Variants in VARS2 observed in about 807,000 individuals in gnomAD.
VARS2 encodes the protein valyl-tRNA synthetase 2, mitochondrial, also known as valine--tRNA ligase, mitochondrial.
In VARS2, 105 loss-of-function variants were observed where a neutral mutation model predicts 154.1. That is an observed-to-expected ratio of 0.68 (90% confidence interval 0.58 to 0.80). The LOEUF is 0.80. Among genes scored for constraint, VARS2 ranks in the 30% least tolerant of loss-of-function variants. The pLI, the probability that VARS2 is intolerant of heterozygous loss-of-function variation, is 0.00. For missense variants in VARS2, 1,157 were observed against 1,361.4 expected (o/e 0.85, Z 2.36); for synonymous variants, 483 against 539.5 (o/e 0.90, Z 1.45).
intron 25 of VARS2, chr6:30,924,146 C>G: frequency 1.7e-6 from 1 of 598,612 alleles, no homozygotes; most frequent in Non-Finnish European, 3.0e-6. Context: ...AATCCTGTCC[C>G]TGTGTACTGC....
chr6:30,919,037 T>G lies in VARS2; in HGVS notation c.1074+122T>G. On this transcript the variant is annotated intron_variant, in intron 11 of 29. Transcript: ENST00000676266. This position sits in a 1 kb window ranked among gnomAD's most constrained non-coding sequence, Gnocchi z 4.5. ...TTCCTTTTCCTGAGACTTCTCTCAG[T>G]GGTTCTGATTGGACTCCCTCCTCCT... is the stretch of plus-strand genomic sequence containing the variant. The G allele has an allele frequency of 1.2e-6, 1 of 842,538 alleles. No individual in the cohort carries two copies. Among genetic ancestry groups the G allele is most frequent in the Non-Finnish European group, 1.9e-6 (1 of 527,846 alleles). The allele number at this position is 842,538 out of a possible 1,614,324, so 52.2% of individuals were successfully genotyped here. A position where few individuals can be genotyped will look rare whatever the true frequency, so the allele number is the denominator to read the frequency against.
chr6:30,915,247 A>G lies in VARS2; in HGVS notation c.283+10A>G. 4 of 1,614,008 alleles carry G rather than the reference A, an allele frequency of 2.5e-6. No individual in the cohort carries two copies. The highest frequency in any genetic ancestry group is 3.4e-6 in the Non-Finnish European group (4 of 1,179,816). ...CCCGGTGAAAAGAAAGGTAAGTAGA[A>G]TAAGTAAGAAGGCCTTTTCTTTCAC... On this transcript the variant is annotated intron_variant, in intron 3 of 29. Coordinates refer to ENST00000676266, the MANE Select transcript of VARS2 (RefSeq NM_020442.6).
In VARS2 at chr6:30,920,551, G is replaced by A. The variant is rs1331920762; in HGVS notation, c.1397+115G>A. On this transcript the variant is annotated intron_variant, in intron 14 of 29. Coordinates refer to ENST00000676266, the MANE Select transcript of VARS2 (RefSeq NM_020442.6). The surrounding 1 kb of genome is among the most constrained non-coding windows in gnomAD (Gnocchi z 4.6). ...TCCGTTAGAATACGAGCTCCGTGTC[G>A]GTTTTATTCGCTATTGTATCCTCAG... The A allele has an allele frequency of 4.5e-6, 6 of 1,347,394 alleles. No homozygotes were observed. The highest frequency in any genetic ancestry group is 1.5e-5 in the African/African-American group (1 of 68,280). 83.5% of individuals were successfully genotyped at this position (1,347,394 alleles called of 1,614,324 possible).
In VARS2 at chr6:30,916,058, T is replaced by G; in HGVS notation, c.573+11T>G. ...GGAATTGCTACACAAGTATGTCTTT[T>G]GTTACCTGTTCCTTTTCTTGGGCAA... is the stretch of plus-strand genomic sequence containing the variant. On this transcript the variant is annotated intron_variant, in intron 6 of 29. Transcript: ENST00000676266. The surrounding 1 kb of genome is among the most constrained non-coding windows in gnomAD (Gnocchi z 4.0). 1 of 1,613,798 alleles carries G rather than the reference T, an allele frequency of 6.2e-7. No individual in the cohort carries two copies. The highest frequency in any genetic ancestry group is 8.5e-7 in the Non-Finnish European group (1 of 1,179,864).
At position 30,921,869 on chromosome 6, in the gene VARS2, T is replaced by G; in HGVS notation, c.1736-56T>G. ...TGGCCTAGAATGGTGGCAGCAGTGGTCTGAGGTCCTAGAAGCCAAGGTTCC... is the reference window on the plus strand; with the variant it reads ...TGGCCTAGAATGGTGGCAGCAGTGGGCTGAGGTCCTAGAAGCCAAGGTTCC... On this transcript the variant is annotated intron_variant, in intron 18 of 29. Transcript: ENST00000676266. This position sits in a 1 kb window ranked among gnomAD's most constrained non-coding sequence, Gnocchi z 4.6. 6.2e-7 allele frequency: 1 copy of G among 1,606,266 alleles called. No homozygotes were observed. Among genetic ancestry groups the G allele is most frequent in the Non-Finnish European group, 8.5e-7 (1 of 1,174,456 alleles).
At position 30,925,891 on chromosome 6, in the gene VARS2, C is replaced by T. The variant is rs775660553; in HGVS notation, c.2973C>T (p.Asp991=). The change falls in exon 29 of 30, where the codon GAC becomes GAT. Residue 991 remains aspartate (D), a synonymous_variant. Coordinates refer to ENST00000676266, the MANE Select transcript of VARS2 (RefSeq NM_020442.6). Reference sequence around the variant, plus strand: ...CTGTTCTTCCCCAGGGCCTGGTGGACCCGCAGATCCAGCTACCTCTGTTAG... The same window carrying T: ...CTGTTCTTCCCCAGGGCCTGGTGGATCCGCAGATCCAGCTACCTCTGTTAG... The part of the protein sequence containing the change: ...QVYMELQGLV[D]PQIQLPLLAA... 1.2e-6 allele frequency: 2 copies of T among 1,612,858 alleles called. No homozygotes were observed. Among genetic ancestry groups the T allele is most frequent in the African/African-American group, 1.3e-5 (1 of 75,042 alleles).
rs1044667908 is a variant in VARS2 at position 30,920,591 on chromosome 6, C to T, written c.1398-77C>T. Reference sequence around the variant, plus strand: ...TGTATCCTCAGTACCAAGGGCCTGGCATGGCATGGGGTCTTGTGCCCCTGG... The same window carrying T: ...TGTATCCTCAGTACCAAGGGCCTGGTATGGCATGGGGTCTTGTGCCCCTGG... On this transcript the variant is annotated intron_variant, in intron 14 of 29. Coordinates refer to ENST00000676266, the MANE Select transcript of VARS2 (RefSeq NM_020442.6). This position sits in a 1 kb window ranked among gnomAD's most constrained non-coding sequence, Gnocchi z 4.6. 35 of 1,377,422 alleles carry T rather than the reference C, an allele frequency of 2.5e-5. No individual in the cohort carries two copies. Among genetic ancestry groups the T allele is most frequent in the Non-Finnish European group, 3.0e-5 (31 of 1,018,652 alleles). The allele number at this position is 1,377,422 out of a possible 1,614,324, so 85.3% of individuals were successfully genotyped here. A position where few individuals can be genotyped will look rare whatever the true frequency, so the allele number is the denominator to read the frequency against.
rs2150566440 is a variant in VARS2, at chr6:30,923,335, T to C, written c.2314-18T>C. The C allele has an allele frequency of 6.2e-7, 1 of 1,607,762 alleles. No individual in the cohort carries two copies. On this transcript the variant is annotated intron_variant, in intron 24 of 29. Coordinates refer to ENST00000676266, the MANE Select transcript of VARS2 (RefSeq NM_020442.6). Reference sequence around the variant, plus strand: ...CAGGGGAGGGGGAGTCAGGCCATCCTGCCCCCTCTGCCTGCAGCTGTCTCC... The same window carrying C: ...CAGGGGAGGGGGAGTCAGGCCATCCCGCCCCCTCTGCCTGCAGCTGTCTCC...
At chr6:30,926,076 C>T (rs762808183) in intron 29 of VARS2, 33 bp from the exon 30 acceptor site, 1 of 1,612,904 alleles carries the variant, frequency 6.2e-7, no homozygotes. Context: ...GGGCCTCATT[C>T]CTGGATCCTC....
chr6:30,922,238 C>T lies in VARS2; in HGVS notation c.1929C>T (p.Ser643=). The change falls in exon 20 of 30, where the codon AGC becomes AGT. Residue 643 remains serine, a synonymous_variant. Coordinates refer to ENST00000676266, the MANE Select transcript of VARS2 (RefSeq NM_020442.6). ...GTQLTGQLPF[S]KVLLHPMVRD... is the part of the protein sequence containing the mutation. ...AGCTCACAGGGCAGCTGCCCTTCAG[C>T]AAGGTAAGAGCCCTTCAGTGCCCTG... 6.2e-7 allele frequency: 1 copy of T among 1,611,014 alleles called. No homozygotes were observed. Among genetic ancestry groups the T allele is most frequent in the Non-Finnish European group, 8.5e-7 (1 of 1,179,064 alleles).
chr6:30,915,245 G>A lies in VARS2; in HGVS notation c.283+8G>A, dbSNP rs1331166474. 6.2e-7 allele frequency: 1 copy of A among 1,614,024 alleles called. No individual in the cohort carries two copies. Among genetic ancestry groups the A allele is most frequent in the Non-Finnish European group, 8.5e-7 (1 of 1,179,844 alleles). ...AACCCGGTGAAAAGAAAGGTAAGTAGAATAAGTAAGAAGGCCTTTTCTTTC... is the reference window on the plus strand; with the variant it reads ...AACCCGGTGAAAAGAAAGGTAAGTAAAATAAGTAAGAAGGCCTTTTCTTTC... On this transcript the variant is annotated splice_region_variant and intron_variant, in intron 3 of 29. Coordinates refer to ENST00000676266, the MANE Select transcript of VARS2 (RefSeq NM_020442.6).
rs369943412 is a variant in VARS2, at chr6:30,921,182, G to C, written c.1556+41G>C. On this transcript the variant is annotated intron_variant, in intron 16 of 29. Coordinates refer to ENST00000676266, the MANE Select transcript of VARS2 (RefSeq NM_020442.6). This position sits in a 1 kb window ranked among gnomAD's most constrained non-coding sequence, Gnocchi z 4.6. ...GGGGAGCTCTTGTGGAGATGGGGAG[G>C]GGGGACTGACTGGTTATTCTAAGAC... is the stretch of plus-strand genomic sequence containing the variant. 4.7e-5 allele frequency: 76 copies of C among 1,613,788 alleles called. No individual in the cohort carries two copies. The Middle Eastern group carries it at 4.9e-4, about 10-fold the overall frequency.
Position 30,921,147 on chromosome 6 carries a change from G to A in VARS2, c.1556+6G>A, listed in dbSNP as rs528773486. The stretch of plus-strand genomic sequence containing the variant: ...CACTGGTTTTCCCATATTGGGTAAG[G>A]GTAGGGTAAGGGGAGCTCTTGTGGA... On this transcript the variant is annotated splice_donor_region_variant and intron_variant, in intron 16 of 29. Coordinates refer to ENST00000676266, the MANE Select transcript of VARS2 (RefSeq NM_020442.6). The surrounding 1 kb of genome is among the most constrained non-coding windows in gnomAD (Gnocchi z 4.6). The A allele has an allele frequency of 6.2e-7, 1 of 1,614,018 alleles. No individual in the cohort carries two copies. Among genetic ancestry groups the A allele is most frequent in the African/African-American group, 1.3e-5 (1 of 75,042 alleles).
chr6:30,925,865 C>T lies in VARS2; in HGVS notation c.2962-15C>T, dbSNP rs1196366579. ...CAGGCGGATGTCTGAGCCTTTTCTC[C>T]CTGTTCTTCCCCAGGGCCTGGTGGA... On this transcript the variant is annotated splice_polypyrimidine_tract_variant and intron_variant, in intron 28 of 29. Transcript: ENST00000676266. The T allele has an allele frequency of 6.2e-7, 1 of 1,612,352 alleles. No homozygotes were observed. The highest frequency in any genetic ancestry group is 1.7e-5 in the Admixed American group (1 of 60,024).
rs1017764354 is a variant in VARS2 at position 30,916,250 on chromosome 6, G to A, written c.671+1G>A. 73 of 1,611,514 alleles carry A rather than the reference G, an allele frequency of 4.5e-5. No homozygotes were observed. Among genetic ancestry groups the A allele is most frequent in the Non-Finnish European group, 6.0e-5 (71 of 1,178,614 alleles). On this transcript the variant is annotated splice_donor_variant, in intron 7 of 29. Transcript: ENST00000676266. LOFTEE classifies it high-confidence loss of function. This position sits in a 1 kb window ranked among gnomAD's most constrained non-coding sequence, Gnocchi z 4.0. ...GGGAGGTGTGGCAGTGGAAGGAGGC[G>A]TGAGTATGATGGGCAGGACTCGGGG...
Position 30,916,099 on chromosome 6 carries a change from C to T in VARS2, c.573+52C>T. ...TCTTGGGCAAAAGCAATTTCTTCCC[C>T]CAAAGCAACCAAGCAACCTGACTCT... On this transcript the variant is annotated intron_variant, in intron 6 of 29. Coordinates refer to ENST00000676266, the MANE Select transcript of VARS2 (RefSeq NM_020442.6). The surrounding 1 kb of genome is among the most constrained non-coding windows in gnomAD (Gnocchi z 4.0). 1 of 1,525,326 alleles carries T rather than the reference C, an allele frequency of 6.6e-7. No individual in the cohort carries two copies. The highest frequency in any genetic ancestry group is 1.1e-5 in the South Asian group (1 of 87,048). 94.5% of individuals were successfully genotyped at this position (1,525,326 alleles called of 1,614,324 possible).
Position 30,914,965 on chromosome 6 carries a change from C to G in VARS2, c.129C>G (p.Asn43Lys). Residue 43 changes from asparagine (N) to lysine (K), a missense_variant, in exon 2 of 30, where the codon AAC becomes AAG. Physicochemically the swap from Asn to Lys is moderately conservative, Grantham distance 94. Coordinates refer to ENST00000676266, the MANE Select transcript of VARS2 (RefSeq NM_020442.6). ...EPHGSPISRR[N>K]REAKQKRLRE... ...ATGGATCTCCCATCTCCCGGAGGAACCGTGAAGCCAAACAGAAGCGCCTGC... is the reference window on the plus strand; with the variant it reads ...ATGGATCTCCCATCTCCCGGAGGAAGCGTGAAGCCAAACAGAAGCGCCTGC... The G allele has an allele frequency of 6.2e-7, 1 of 1,613,094 alleles. No individual in the cohort carries two copies. Among genetic ancestry groups the G allele is most frequent in the Non-Finnish European group, 8.5e-7 (1 of 1,180,048 alleles).
In VARS2 at chr6:30,922,483, G is replaced by A; in HGVS notation, c.1966G>A (p.Gly656Ser). The A allele has an allele frequency of 6.3e-7, 1 of 1,599,324 alleles. No individual in the cohort carries two copies. Among genetic ancestry groups the A allele is most frequent in the Non-Finnish European group, 8.5e-7 (1 of 1,173,622 alleles). ...LLHPMVRDRQ[G>S]RKMSKSLGNV... The stretch of plus-strand genomic sequence containing the variant: ...TCATCCCATGGTTCGGGACAGGCAG[G>A]GCCGGAAGATGAGCAAGTCCCTGGG... The change falls in exon 21 of 30, where the codon GGC (glycine) becomes AGC (serine). Residue 656 changes from glycine (G) to serine (S), a missense_variant. Gly to Ser is a moderately conservative substitution (Grantham distance 56, BLOSUM62 0). Coordinates refer to ENST00000676266, the MANE Select transcript of VARS2 (RefSeq NM_020442.6).
Position 30,924,366 on chromosome 6 carries a change from C to G in VARS2, c.2479C>G (p.Pro827Ala), listed in dbSNP as rs750373581. 39 of 1,611,892 alleles carry G rather than the reference C, an allele frequency of 2.4e-5. 1 individual carries two copies. Among genetic ancestry groups the G allele is most frequent in the Middle Eastern group, 1.9e-4 (1 of 5,256 alleles). ...GCTTCCTCTCCAGGAGGCTGTGAAG[C>G]CCGTGCTGTGGCACTCGCCCCGCCC... ...LCDVYLEAVKPVLWHSPRPLG... is the reference protein window; with the variant it reads ...LCDVYLEAVKAVLWHSPRPLG... The change falls in exon 26 of 30, where the codon CCC becomes GCC. Residue 827 changes from proline to alanine, a missense_variant. Physicochemically the swap from Pro to Ala is conservative, Grantham distance 27. Transcript: ENST00000676266.
Sources: allele counts gnomAD v4.1 joint callset, GRCh38; gene constraint gnomAD v4.1.1; non-coding constraint Gnocchi (gnomAD v3.1); transcripts MANE v1.5; gene names NCBI Gene and HGNC (gene_info 2026-07-23, HGNC 2026-07-21).